UNC79: variants seen among roughly 807,000 people sequenced by gnomAD.
UNC79 encodes unc-79 subunit of NALCN channel complex, also known as protein unc-79 homolog.
UNC79 carries 37 observed loss-of-function variants against 283.1 expected under a neutral mutation model. The ratio of observed to expected loss-of-function variants is 0.13; its 90% CI spans 0.10 to 0.17. UNC79 has a LOEUF of 0.17. Ranked by LOEUF, UNC79 falls within the 10% of genes least tolerant of loss-of-function variation. The pLI is 1.00. For missense variants in UNC79, 2,272 were observed against 3,211.1 expected (o/e 0.71, Z 7.07); for synonymous variants, 1,107 against 1,200.2 (o/e 0.92, Z 1.61).
chr14:93,340,335 G>A (rs1051116319), intron 1 of UNC79, among the ~76,000 whole-genome samples: 1 of 151,720 alleles, frequency 6.6e-6, no homozygotes, highest in South Asian at 2.1e-4. Context: ...CCAGCTACTC[G>A]GGAGGCTGAG....
At chr14:93,607,203 GTTA>G (rs1217913151) in intron 26 of UNC79, among the ~76,000 whole-genome samples, 1 of 152,162 alleles carries the variant, frequency 6.6e-6, no homozygotes, top group African/African-American at 2.4e-5. Flanking sequence ...GAATGCAGCA[GTTA>G]TTATGTTATA....
intron 4 of UNC79, among the ~76,000 whole-genome samples, chr14:93,482,736 T>C (rs2058203929): frequency 2.0e-5 from 3 of 152,204 alleles, no homozygotes; most frequent in South Asian, 4.1e-4. Flanking sequence ...CCAGCTTTCA[T>C]TGGGGCCAGT....
chr14:93,540,899 TTTCTCCTG>T, intron 13 of UNC79, 68 bp downstream of exon 13: 1 of 1,591,686 alleles, frequency 6.3e-7, no homozygotes. Flanking sequence ...TGAAGAGGAA[TTTCTCCTG>T]TTCTTTTAAA....
At chr14:93,658,344 C>T (rs1015912925) in intron 38 of UNC79, among the ~76,000 whole-genome samples, 1 of 152,180 alleles carries the variant, frequency 6.6e-6, no homozygotes, top group Non-Finnish European at 1.5e-5. Context: ...TCTGATTCAG[C>T]AGGGGTAGGG....
At chr14:93,400,179 A>G (rs1174166738) in intron 1 of UNC79, among the ~76,000 whole-genome samples, 5 of 152,148 alleles carry the variant, frequency 3.3e-5, no homozygotes, top group African/African-American at 1.2e-4. Context: ...ATGCTCCTTT[A>G]GCGGGGGCTG....
chr14:93,462,723 G>A (rs1341154779), intron 1 of UNC79, among the ~76,000 whole-genome samples: 1 of 152,162 alleles, frequency 6.6e-6, no homozygotes, highest in Non-Finnish European at 1.5e-5. Context: ...GAGGAGTGAG[G>A]TACGGCGGGG....
intron 13 of UNC79, among the ~76,000 whole-genome samples, chr14:93,541,866 G>A (rs1027722360): frequency 1.3e-5 from 2 of 151,982 alleles, no homozygotes; most frequent in African/African-American, 4.8e-5. Flanking sequence ...TTAGCTGGGT[G>A]TGGTGGCAAG....
At chr14:93,464,447 A>G in intron 1 of UNC79, 6 of 445,534 alleles carry the variant, frequency 1.3e-5, no homozygotes, top group South Asian at 9.5e-5. Context: ...GACAGCAGTC[A>G]GATTGGATTA....
At chr14:93,635,325 T>C (rs2068417490) in intron 31 of UNC79, among the ~76,000 whole-genome samples, 2 of 152,224 alleles carry the variant, frequency 1.3e-5, no homozygotes, top group African/African-American at 4.8e-5. Flanking sequence ...CTGTTTTTTT[T>C]CTTCCATAAT....
chr14:93,352,347 C>T (rs2053994778), intron 1 of UNC79, among the ~76,000 whole-genome samples: 1 of 152,150 alleles, frequency 6.6e-6, no homozygotes, highest in African/African-American at 2.4e-5. Context: ...TTCATGTGCT[C>T]CAAATTATGG....
chr14:93,437,226 C>T (rs1248894491), intron 1 of UNC79, among the ~76,000 whole-genome samples: 1 of 152,030 alleles, frequency 6.6e-6, no homozygotes, highest in African/African-American at 2.4e-5. Flanking sequence ...ATCTTAAGCT[C>T]TCCAGGAAAG....
intron 18 of UNC79, among the ~76,000 whole-genome samples, chr14:93,579,569 TA>T (rs1451361746): frequency 6.6e-6 from 1 of 152,210 alleles, no homozygotes; most frequent in Non-Finnish European, 1.5e-5. Context: ...AATCTGTTAC[TA>T]TGATTCTGTA....
intron 14 of UNC79, among the ~76,000 whole-genome samples, chr14:93,546,249 G>A (rs2061596872): frequency 6.6e-6 from 1 of 152,094 alleles, no homozygotes; most frequent in Non-Finnish European, 1.5e-5. Context: ...CTTTAGAAAG[G>A]CATTTGAATT....
intron 4 of UNC79, among the ~76,000 whole-genome samples, chr14:93,478,247 A>T (rs899957854): frequency 8.5e-5 from 13 of 152,264 alleles, no homozygotes; most frequent in Admixed American, 7.2e-4. Flanking sequence ...TGATAAAGTG[A>T]CTCGAAATTT....
intron 4 of UNC79, among the ~76,000 whole-genome samples, chr14:93,485,893 G>A (rs2058394970): frequency 6.6e-6 from 1 of 152,072 alleles, no homozygotes; most frequent in African/African-American, 2.4e-5. Flanking sequence ...CTACTTTGGT[G>A]CCCAAATTCC....
chr14:93,588,696 G>A (rs571026279), intron 22 of UNC79, among the ~76,000 whole-genome samples: 57 of 141,952 alleles, frequency 4.0e-4, no homozygotes, highest in African/African-American at 1.4e-3. Flanking sequence ...AGCCGAGATC[G>A]TGCCACTACA....
chr14:93,537,976 T>C lies in UNC79; in HGVS notation c.1123-13T>C. The stretch of plus-strand genomic sequence containing the variant: ...TGGTCAATTTTAATTGATTTCACTT[T>C]CTTGGCTTCTAGAACTGCAGTTCCC... On this transcript the variant is annotated splice_polypyrimidine_tract_variant and intron_variant, in intron 11 of 48. Transcript: ENST00000555664. 4 of 1,600,404 alleles carry C rather than the reference T, an allele frequency of 2.5e-6. No individual in the cohort carries two copies. Among genetic ancestry groups the C allele is most frequent in the Non-Finnish European group, 3.4e-6 (4 of 1,174,772 alleles).
At chr14:93,461,380 A>G (rs2056957365) in intron 1 of UNC79, among the ~76,000 whole-genome samples, 1 of 152,180 alleles carries the variant, frequency 6.6e-6, no homozygotes, top group Non-Finnish European at 1.5e-5. Flanking sequence ...CTATGACTGA[A>G]TTTTGCTTTT....
intron 24 of UNC79, among the ~76,000 whole-genome samples, 161 bp from the exon 25 acceptor site, chr14:93,600,408 C>A (rs79559414): frequency 1.3e-5 from 2 of 152,088 alleles, no homozygotes; most frequent in Admixed American, 6.5e-5. Flanking sequence ...ACCAAAACTT[C>A]GAATCAAAAA....
Sources: allele counts gnomAD v4.1 joint callset (sites outside exome capture counted in the v4.1 genomes callset), GRCh38; gene constraint gnomAD v4.1.1; transcripts MANE v1.5; gene names NCBI Gene and HGNC (gene_info 2026-07-23, HGNC 2026-07-21).